GOLPH3L: variants seen among roughly 807,000 people sequenced by gnomAD.
GOLPH3L encodes the protein Golgi phosphoprotein 3-like.
A neutral mutation model predicts 30.3 loss-of-function variants in GOLPH3L; 22 were observed. The observed-to-expected ratio is 0.73, with a 90% confidence interval of 0.52 to 1.04. The LOEUF is 1.04. Ranked by LOEUF, GOLPH3L falls within the 50% of genes least tolerant of loss-of-function variation. GOLPH3L has a pLI of 0.00. For synonymous variants in GOLPH3L, 120 were observed against 128.2 expected, an observed-to-expected ratio of 0.94 and a Z score of 0.43; for missense variants, 303 against 345.8, an observed-to-expected ratio of 0.88 and a Z score of 0.98.
At chr1:150,694,136 G>A in intron 2 of GOLPH3L, 1 of 448,342 alleles carries the variant, frequency 2.2e-6, no homozygotes, top group South Asian at 1.6e-5. Context: ...TGGGATTACA[G>A]GCGTGAGCCA....
At chr1:150,653,308 T>A (rs1376852388) in intron 4 of GOLPH3L, among the ~76,000 whole-genome samples, 3 of 149,716 alleles carry the variant, frequency 2.0e-5, no homozygotes, top group African/African-American at 7.3e-5. Context: ...ATTTTTTTTT[T>A]TTTTTGAGAC....
At chr1:150,683,234 G>A (rs1279080192) in intron 2 of GOLPH3L, among the ~76,000 whole-genome samples, 3 of 151,690 alleles carry the variant, frequency 2.0e-5, no homozygotes, top group Admixed American at 6.6e-5. Context: ...AAACCCCATC[G>A]CTATTAAAAA....
chr1:150,692,981 T>TA (rs1651246844), intron 2 of GOLPH3L, among the ~76,000 whole-genome samples: 1 of 152,214 alleles, frequency 6.6e-6, no homozygotes, highest in Admixed American at 6.5e-5. Context: ...AGAGTATTTA[T>TA]ATCACCTAAT....
At chr1:150,665,242 C>T (rs193086982) in intron 2 of GOLPH3L, among the ~76,000 whole-genome samples, 10 of 151,982 alleles carry the variant, frequency 6.6e-5, no homozygotes, top group African/African-American at 1.4e-4. Flanking sequence ...ACAGAGGTCA[C>T]GAAGCTAAAT....
chr1:150,671,964 T>C (rs1193835881), intron 2 of GOLPH3L, among the ~76,000 whole-genome samples: 6 of 152,142 alleles, frequency 3.9e-5, no homozygotes, highest in Non-Finnish European at 7.3e-5. Context: ...TCCAGGATTA[T>C]TACAATGATA....
intron 2 of GOLPH3L, among the ~76,000 whole-genome samples, chr1:150,673,585 A>G (rs587765747): frequency 6.6e-6 from 1 of 151,812 alleles, no homozygotes; most frequent in African/African-American, 2.4e-5. Context: ...AAACAAAACA[A>G]AAAACAAAAG....
chr1:150,689,784 T>C (rs587712562), intron 2 of GOLPH3L, among the ~76,000 whole-genome samples: 2 of 152,098 alleles, frequency 1.3e-5, no homozygotes, highest in South Asian at 2.1e-4. Context: ...TACAGGTGCA[T>C]GCCACCACAC....
At chr1:150,659,683 G>A (rs1353766449) in intron 4 of GOLPH3L, among the ~76,000 whole-genome samples, 1 of 152,002 alleles carries the variant, frequency 6.6e-6, no homozygotes, top group Non-Finnish European at 1.5e-5. Flanking sequence ...AGCGCCACTG[G>A]GTTAGGGTCT....
intron 4 of GOLPH3L, among the ~76,000 whole-genome samples, chr1:150,656,670 C>T (rs1650247628): frequency 6.6e-6 from 1 of 152,104 alleles, no homozygotes; most frequent in Non-Finnish European, 1.5e-5. Flanking sequence ...TGGATCAAAT[C>T]GCTACCATGA....
chr1:150,671,189 G>A (rs1571044835), intron 2 of GOLPH3L, among the ~76,000 whole-genome samples: 1 of 151,670 alleles, frequency 6.6e-6, no homozygotes, highest in African/African-American at 2.4e-5. Flanking sequence ...CTGCAGGGAG[G>A]TGAGTTCGTG....
chr1:150,691,902 ACT>A (rs1212779114), intron 2 of GOLPH3L, among the ~76,000 whole-genome samples: 2 of 145,236 alleles, frequency 1.4e-5, no homozygotes, highest in Admixed American at 1.4e-4. Flanking sequence ...CAAATGGATG[ACT>A]CTTTTTTTTT....
intron 2 of GOLPH3L, among the ~76,000 whole-genome samples, chr1:150,681,132 C>T (rs1478594461): frequency 2.6e-5 from 4 of 151,876 alleles, no homozygotes; most frequent in Admixed American, 6.6e-5. Context: ...AGCAAAACTC[C>T]GCCTCAAAAA....
chr1:150,694,737 G>A lies in GOLPH3L; in HGVS notation c.102C>T (p.Asp34=). The A allele has an allele frequency of 6.2e-7, 1 of 1,605,984 alleles. No homozygotes were observed. Among genetic ancestry groups the A allele is most frequent in the Non-Finnish European group, 8.5e-7 (1 of 1,172,730 alleles). The part of the protein sequence containing the change: ...EEDSNWEKSP[D]NEDSGDSKDI... ...CCTTAGAGTCTCCAGAATCTTCATTGTCTGGACTTTTCTCCCAATTACTGT... is the reference window on the plus strand; with the variant it reads ...CCTTAGAGTCTCCAGAATCTTCATTATCTGGACTTTTCTCCCAATTACTGT... The change falls in exon 2 of 5, where the codon GAC becomes GAT. Residue 34 remains aspartate (D), a synonymous_variant. Transcript: ENST00000271732.
intron 4 of GOLPH3L, among the ~76,000 whole-genome samples, chr1:150,661,012 G>A (rs926168837): frequency 4.6e-5 from 7 of 152,150 alleles, no homozygotes; most frequent in African/African-American, 1.4e-4. Context: ...GGCAGATCAC[G>A]AAGTCAAGAG....
chr1:150,691,384 C>T (rs1651208006), intron 2 of GOLPH3L, among the ~76,000 whole-genome samples: 2 of 151,906 alleles, frequency 1.3e-5, no homozygotes, highest in Non-Finnish European at 2.9e-5. Context: ...GGCATGGTGG[C>T]GGGTGCCTGT....
intron 2 of GOLPH3L, among the ~76,000 whole-genome samples, chr1:150,683,413 G>A (rs1651006833): frequency 6.6e-6 from 1 of 151,596 alleles, no homozygotes; most frequent in Non-Finnish European, 1.5e-5. Context: ...GTGGGCGCCT[G>A]TAGTCGCAGC....
Position 150,648,950 on chromosome 1 carries a change from G to A in GOLPH3L, c.431-202C>T, listed in dbSNP as rs188092421. 2.3e-4 allele frequency among the ~76,000 whole-genome samples: 35 copies of A among 152,192 alleles called. No homozygotes were observed. In the East Asian group the frequency reaches 5.0e-3, roughly 22 times the overall value. On this transcript the variant is annotated intron_variant, in intron 4 of 4. Transcript: ENST00000271732. ...ACCAGCTTCAAAAAATGTCACCAAGGACTTCCATATTGCTAGAGCTTATAG... is the reference window on the plus strand; with the variant it reads ...ACCAGCTTCAAAAAATGTCACCAAGAACTTCCATATTGCTAGAGCTTATAG...
chr1:150,647,322 C>T lies in GOLPH3L; in HGVS notation c.*999G>A, dbSNP rs1387722783. ...GACCAGCCTGGGCAACAAAGCGAGA[C>T]TCTTGTCTAAAACAAACAAAAAAAA... On this transcript the variant is annotated 3_prime_UTR_variant, in exon 5 of 5. Transcript: ENST00000271732. The T allele has an allele frequency of 6.6e-6, 1 of 152,108 alleles. No individual in the cohort carries two copies. 9.4% of individuals were successfully genotyped at this position (152,108 alleles called of 1,614,324 possible). A position where few individuals can be genotyped will look rare whatever the true frequency, so the allele number is the denominator to read the frequency against.
chr1:150,658,508 T>C (rs1650298515), intron 4 of GOLPH3L, among the ~76,000 whole-genome samples: 1 of 152,188 alleles, frequency 6.6e-6, no homozygotes, highest in Admixed American at 6.5e-5. Context: ...AGTTGAGGCA[T>C]ACCACCCTCA....
Sources: gnomAD v4.1 joint callset for allele counts (sites outside exome capture counted in the v4.1 genomes callset) on GRCh38, gnomAD v4.1.1 for gene constraint, MANE v1.5 for transcripts, NCBI Gene and HGNC (gene_info 2026-07-23, HGNC 2026-07-21) for gene names.